The following ANO4 variants were observed in gnomAD, a reference collection of about 807,000 sequenced individuals.
ANO4 encodes anoctamin 4, also known as anoctamin-4.
ANO4 carries 69 observed loss-of-function variants against 141.9 expected under a neutral mutation model. That is an observed-to-expected ratio of 0.49 (90% confidence interval 0.40 to 0.59). The LOEUF is 0.59. ANO4 is among the 20% of genes least tolerant of loss of function. The pLI is 0.00. For missense variants in ANO4, 894 were observed against 1,162.2 expected (o/e 0.77, Z 3.36); for synonymous variants, 350 against 394.3 (o/e 0.89, Z 1.33).
intron 1 of ANO4, among the ~76,000 whole-genome samples, chr12:100,800,854 AC>A (rs2034640233): frequency 6.6e-6 from 1 of 152,226 alleles, no homozygotes; most frequent in African/African-American, 2.4e-5. Context: ...CTCTAGGAGT[AC>A]CAAAACCATT....
chr12:101,099,645 T>G lies in ANO4; in HGVS notation c.2074T>G (p.Phe692Val). ...QEHGPERKIS[F>V]PQWEKDYNLQ... ...ACATGGACCTGAAAGGAAAATAAGT[T>G]TCCCACAATGGGAAAAGGACTATAA... Residue 692 changes from phenylalanine (F) to valine (V), a missense_variant, in exon 22 of 28, where the codon TTC becomes GTC. Transcript: ENST00000392977. 6.2e-7 allele frequency: 1 copy of G among 1,612,370 alleles called. No homozygotes were observed. The highest frequency in any genetic ancestry group is 8.5e-7 in the Non-Finnish European group (1 of 1,179,428).
chr12:100,856,724 C>T (rs942077345), intron 1 of ANO4, among the ~76,000 whole-genome samples: 8 of 152,088 alleles, frequency 5.3e-5, no homozygotes, highest in Admixed American at 2.0e-4. Flanking sequence ...AGCAAAGGCA[C>T]GGGGTAGGAA....
intron 8 of ANO4, among the ~76,000 whole-genome samples, chr12:101,011,331 T>C (rs1437002476): frequency 1.3e-5 from 2 of 151,098 alleles, no homozygotes; most frequent in Non-Finnish European, 3.0e-5. Flanking sequence ...TTTTTTTTTT[T>C]TTTTGCAATC....
At chr12:100,986,336 A>T (rs1273712730) in intron 7 of ANO4, among the ~76,000 whole-genome samples, 1 of 152,114 alleles carries the variant, frequency 6.6e-6, no homozygotes, top group Admixed American at 6.5e-5. Context: ...GAGAAGATGG[A>T]TGTTCCATCT....
chr12:100,962,235 G>A (rs920853241), intron 5 of ANO4, among the ~76,000 whole-genome samples: 4 of 152,232 alleles, frequency 2.6e-5, no homozygotes, highest in Non-Finnish European at 4.4e-5. Context: ...AAAGCTACTC[G>A]AAGTCTCGAT....
chr12:101,028,767 A>G (rs112144581), intron 9 of ANO4, among the ~76,000 whole-genome samples: 2 of 152,358 alleles, frequency 1.3e-5, no homozygotes, highest in African/African-American at 4.8e-5. Flanking sequence ...TCAGGATATT[A>G]TCCAGGAGAA....
At chr12:100,784,940 A>G (rs1292238193) in intron 3 of ANO4, among the ~76,000 whole-genome samples, 1 of 147,874 alleles carries the variant, frequency 6.8e-6, no homozygotes, top group Non-Finnish European at 1.5e-5. Context: ...TTTTTTTTTC[A>G]TCTTTTCTTT....
chr12:100,935,857 G>T (rs765451749), intron 3 of ANO4, among the ~76,000 whole-genome samples: 79 of 151,832 alleles, frequency 5.2e-4, no homozygotes, highest in Admixed American at 7.9e-4. Flanking sequence ...TTGAATCAAA[G>T]ATTTTATTTT....
intron 1 of ANO4, among the ~76,000 whole-genome samples, chr12:100,809,676 G>C (rs1263980469): frequency 6.6e-6 from 1 of 152,224 alleles, no homozygotes; most frequent in African/African-American, 2.4e-5. Context: ...GCAGCTGCCA[G>C]ATCTCAAAGG....
intron 1 of ANO4, among the ~76,000 whole-genome samples, chr12:100,801,081 G>A (rs2034653384): frequency 6.9e-6 from 1 of 145,240 alleles, no homozygotes; most frequent in African/African-American, 2.6e-5. Context: ...CTTACAGACT[G>A]TTTGTCTACT....
intron 7 of ANO4, 89 bp downstream of exon 7, chr12:100,974,978 T>C (rs564098202): frequency 6.8e-7 from 1 of 1,465,936 alleles, no homozygotes; most frequent in African/African-American, 1.4e-5. Context: ...CTGGGGAAGA[T>C]GAGCCTGTGT....
intron 16 of ANO4, among the ~76,000 whole-genome samples, chr12:101,086,119 TGTGTG>T (rs2049486735): frequency 1.3e-5 from 2 of 148,512 alleles, no homozygotes; most frequent in South Asian, 4.2e-4. Context: ...TGTGTGTGTG[TGTGTG>T]TTCGGCAAGA....
intron 10 of ANO4, 53 bp downstream of exon 10, chr12:101,037,203 T>C: frequency 6.4e-7 from 1 of 1,569,874 alleles, no homozygotes; most frequent in Non-Finnish European, 8.8e-7. Context: ...GTTACTAAAG[T>C]CAGCTTCTAG....
At chr12:101,088,860 C>T (rs1461715197) in intron 17 of ANO4, among the ~76,000 whole-genome samples, 1 of 151,760 alleles carries the variant, frequency 6.6e-6, no homozygotes, top group Non-Finnish European at 1.5e-5. Flanking sequence ...TGAACCCTAG[C>T]CTGGGTAACA....
At chr12:100,790,009 G>A (rs1464937079), upstream of ANO4, among the ~76,000 whole-genome samples, 3 of 152,322 alleles carry the variant, frequency 2.0e-5, no homozygotes, top group East Asian at 5.8e-4. Context: ...GGAATTTGAG[G>A]ATGGCCTCAC....
chr12:100,729,490 G>A (rs2031297686), intron 1 of ANO4, among the ~76,000 whole-genome samples: 1 of 150,172 alleles, frequency 6.7e-6, no homozygotes, highest in African/African-American at 2.4e-5. Flanking sequence ...TATAATATAG[G>A]TGCCTTTATT....
At position 101,080,900 on chromosome 12, in the gene ANO4, T is replaced by TATATATATATATATATATAC. The variant is rs1194122665; in HGVS notation, c.1395+1626_1395+1627insTATATATATATATATATACA. On this transcript the variant is annotated intron_variant, in intron 15 of 27. Transcript: ENST00000392977. ...TATATATATTATATATATATATATA[T>TATATATATATATATATATAC]ACATACACATATACATATATATAAA... Among the ~76,000 whole-genome samples, 68 of 130,994 alleles carry TATATATATATATATATATAC rather than the reference T, an allele frequency of 5.2e-4. No individual in the cohort carries two copies. The South Asian group carries it at 6.7e-3, about 13-fold the overall frequency. 85.9% of individuals were successfully genotyped at this position (130,994 alleles called of 152,430 possible). A position where few individuals can be genotyped will look rare whatever the true frequency, so the allele number is the denominator to read the frequency against.
chr12:100,986,020 C>T (rs2136326818), intron 7 of ANO4, among the ~76,000 whole-genome samples: 1 of 152,214 alleles, frequency 6.6e-6, no homozygotes, highest in East Asian at 1.9e-4. Context: ...AGTAAAGAAG[C>T]TGATCCTCCC....
chr12:100,728,842 G>C (rs2031251876), intron 1 of ANO4, among the ~76,000 whole-genome samples: 1 of 152,040 alleles, frequency 6.6e-6, no homozygotes, highest in African/African-American at 2.4e-5. Context: ...TAATATACAT[G>C]TAGACAAGTG....
Sources: gnomAD v4.1 joint callset for allele counts (sites outside exome capture counted in the v4.1 genomes callset) on GRCh38, gnomAD v4.1.1 for gene constraint, MANE v1.5 for transcripts, NCBI Gene and HGNC (gene_info 2026-07-23, HGNC 2026-07-21) for gene names.